MRPS28: variants seen among roughly 807,000 people sequenced by gnomAD.
MRPS28 encodes small ribosomal subunit protein bS1m.
MRPS28 carries 7 observed loss-of-function variants against 10.8 expected under a neutral mutation model. The observed-to-expected ratio is 0.65, with a 90% CI of 0.37 to 1.22. The LOEUF (loss-of-function observed/expected upper bound fraction) is 1.22, where lower values mean the gene tolerates loss of function less well. Ranked by LOEUF, MRPS28 falls within the 50% of genes most tolerant of loss-of-function variation. MRPS28 has a pLI of 0.02. For missense variants in MRPS28, 265 were observed against 232.9 expected (o/e 1.14, Z -0.90); for synonymous variants, 121 against 93.3 (o/e 1.30, Z -1.71).
At chr8:79,951,208 G>A (rs548782730) in intron 2 of MRPS28, among the ~76,000 whole-genome samples, 5 of 152,274 alleles carry the variant, frequency 3.3e-5, no homozygotes, top group South Asian at 2.1e-4. Context: ...GGACAATGGC[G>A]CATGCACCCA....
chr8:79,987,069 A>G (rs1265875227), intron 2 of MRPS28, among the ~76,000 whole-genome samples: 1 of 152,112 alleles, frequency 6.6e-6, no homozygotes, highest in Non-Finnish European at 1.5e-5. Flanking sequence ...TACTGGTACC[A>G]AAACAGAGAT....
chr8:79,958,457 G>A, intron 2 of MRPS28: 1 of 647,474 alleles, frequency 1.5e-6, no homozygotes. Context: ...AGAAAATGTT[G>A]AGATTCAGAA....
intron 2 of MRPS28, among the ~76,000 whole-genome samples, chr8:79,994,919 T>C (rs1056182074): frequency 6.6e-6 from 1 of 152,108 alleles, no homozygotes; most frequent in Non-Finnish European, 1.5e-5. Context: ...CTTGTTCAAG[T>C]GCTGCTCCTT....
chr8:79,919,970 G>A (rs1392585951), intron 2 of MRPS28, among the ~76,000 whole-genome samples: 1 of 111,220 alleles, frequency 9.0e-6, no homozygotes, highest in Non-Finnish European at 1.7e-5. Context: ...GCCCCGGTGT[G>A]TGATGTTCCC....
intron 1 of MRPS28, among the ~76,000 whole-genome samples, chr8:80,017,488 T>C (rs1482456604): frequency 6.6e-6 from 1 of 152,190 alleles, no homozygotes; most frequent in East Asian, 1.9e-4. Flanking sequence ...TACCCACAGA[T>C]TTGATAACCT....
intron 2 of MRPS28, chr8:79,956,621 CTCCCTCCT>C (rs1437256966): frequency 6.6e-6 from 1 of 152,096 alleles, no homozygotes; most frequent in Non-Finnish European, 1.5e-5. Context: ...TTCTGCTCCT[CTCCCTCCT>C]CCCACCCTCC....
In MRPS28 at chr8:80,030,258, A is replaced by C. The variant is rs772148480; in HGVS notation, c.-10T>G. 1.6e-5 allele frequency: 26 copies of C among 1,613,786 alleles called. No homozygotes were observed. The highest frequency in any genetic ancestry group is 1.9e-5 in the Non-Finnish European group (23 of 1,179,936). ...GACACAGCGCCGCCATGACTTCTTT[A>C]CCTCTGACCTTTGACCTCCCCTCCG... On this transcript the variant is annotated 5_prime_UTR_variant, in exon 1 of 3. Coordinates refer to ENST00000276585, the MANE Select transcript of MRPS28 (RefSeq NM_014018.3).
At chr8:80,024,554 G>A (rs16907373) in intron 1 of MRPS28, among the ~76,000 whole-genome samples, 14,866 of 152,160 alleles carry the variant, frequency 0.098, 1,572 homozygotes, top group African/African-American at 0.27. Flanking sequence ...AGGTCCACAT[G>A]TAAGTAAGTC....
At chr8:79,942,963 TTAATTAAC>T (rs1806809993) in intron 2 of MRPS28, among the ~76,000 whole-genome samples, 2 of 152,230 alleles carry the variant, frequency 1.3e-5, no homozygotes, top group African/African-American at 4.8e-5. Flanking sequence ...TATCCTTCCA[TTAATTAAC>T]TACATGTTTA....
chr8:79,990,761 G>A lies in MRPS28; in HGVS notation c.395+12238C>T, dbSNP rs577842532. On this transcript the variant is annotated intron_variant, in intron 2 of 2. Transcript: ENST00000276585. Reference sequence around the variant, plus strand: ...TCCTAGCACTCTGGGAGGCCGAGGCGGGCAGATCATGAGGTCAGGAGATTG... The same window carrying A: ...TCCTAGCACTCTGGGAGGCCGAGGCAGGCAGATCATGAGGTCAGGAGATTG... 6.8e-4 allele frequency among the ~76,000 whole-genome samples: 103 copies of A among 151,940 alleles called. 1 individual carries two copies. The highest frequency in any genetic ancestry group is 3.4e-3 in the Middle Eastern group (1 of 294).
At chr8:79,928,439 G>GTATATA (rs137936192) in intron 2 of MRPS28, among the ~76,000 whole-genome samples, 2 of 149,292 alleles carry the variant, frequency 1.3e-5, no homozygotes, top group African/African-American at 4.9e-5. Context: ...CCAATTTGGA[G>GTATATA]TATATATATA....
At chr8:79,936,452 C>T (rs1160354680) in intron 2 of MRPS28, among the ~76,000 whole-genome samples, 1 of 152,132 alleles carries the variant, frequency 6.6e-6, no homozygotes, top group Non-Finnish European at 1.5e-5. Context: ...ATGATTTAGT[C>T]ATATGAATGT....
intron 2 of MRPS28, among the ~76,000 whole-genome samples, chr8:79,971,210 C>T (rs1481312470): frequency 6.6e-6 from 1 of 152,082 alleles, no homozygotes; most frequent in Admixed American, 6.6e-5. Flanking sequence ...TTAAGACCAA[C>T]CAGACAATGG....
chr8:80,021,544 T>C (rs1298607286), intron 1 of MRPS28, among the ~76,000 whole-genome samples: 1 of 152,136 alleles, frequency 6.6e-6, no homozygotes, highest in Admixed American at 6.6e-5. Context: ...AGGGATGCTT[T>C]TAAGGTTTCT....
intron 2 of MRPS28, among the ~76,000 whole-genome samples, chr8:79,983,455 T>C (rs1313017536): frequency 6.6e-6 from 1 of 152,074 alleles, no homozygotes; most frequent in Non-Finnish European, 1.5e-5. Flanking sequence ...AGAAGAAGGC[T>C]TCAGACGATC....
At chr8:79,931,098 A>G (rs1482779275) in intron 2 of MRPS28, among the ~76,000 whole-genome samples, 4 of 152,226 alleles carry the variant, frequency 2.6e-5, no homozygotes, top group South Asian at 2.1e-4. Flanking sequence ...TTTGAATAAT[A>G]TAATTATCTC....
At chr8:79,955,414 T>C (rs1479960446) in intron 2 of MRPS28, among the ~76,000 whole-genome samples, 1 of 152,200 alleles carries the variant, frequency 6.6e-6, no homozygotes, top group Non-Finnish European at 1.5e-5. Context: ...GATCCTCTGG[T>C]TCATGAGGTA....
intron 2 of MRPS28, among the ~76,000 whole-genome samples, chr8:80,001,004 G>A (rs185257650): frequency 2.6e-5 from 4 of 152,166 alleles, no homozygotes; most frequent in East Asian, 1.9e-4. Flanking sequence ...TATGATTAAC[G>A]GAATTCCATC....
At chr8:79,930,200 G>A (rs1303014282) in intron 2 of MRPS28, among the ~76,000 whole-genome samples, 1 of 152,190 alleles carries the variant, frequency 6.6e-6, no homozygotes, top group African/African-American at 2.4e-5. Context: ...GCTAAGTTGT[G>A]TTTCAGATAG....
Sources: allele counts gnomAD v4.1 joint callset (sites outside exome capture counted in the v4.1 genomes callset), GRCh38; gene constraint gnomAD v4.1.1; transcripts MANE v1.5; gene names NCBI Gene and HGNC (gene_info 2026-07-23, HGNC 2026-07-21).